UTRN: variants seen among roughly 807,000 people sequenced by gnomAD.
UTRN encodes the protein utrophin.
In UTRN, 283 loss-of-function variants were observed where a neutral mutation model predicts 463.9. The observed-to-expected ratio is 0.61, with a 90% CI of 0.55 to 0.67. UTRN has a LOEUF of 0.67. Among genes scored for constraint, UTRN ranks in the 30% least tolerant of loss-of-function variants. The pLI, the probability that UTRN is intolerant of heterozygous loss-of-function variation, is 0.00. For missense variants in UTRN, 3,922 were observed against 4,084.3 expected (o/e 0.96, Z 1.08); for synonymous variants, 1,442 against 1,431.5 (o/e 1.01, Z -0.17).
At position 144,824,208 on chromosome 6, in the gene UTRN, G is replaced by C. The variant is rs539172351; in HGVS notation, c.9495-3140G>C. The stretch of plus-strand genomic sequence containing the variant: ...AGGGCCTTCTAAGCCATGCCAAAGT[G>C]TTTGGAGTTTATTCTGAGAGCAGTG... On this transcript the variant is annotated intron_variant, in intron 66 of 74. Coordinates refer to ENST00000367545, the MANE Select transcript of UTRN (RefSeq NM_007124.3). 5.3e-5 allele frequency among the ~76,000 whole-genome samples: 8 copies of C among 152,080 alleles called. No individual in the cohort carries two copies. In the South Asian group the frequency reaches 1.5e-3, roughly 28 times the overall value.
intron 2 of UTRN, among the ~76,000 whole-genome samples, chr6:144,314,512 G>T (rs1387134197): frequency 6.6e-6 from 1 of 152,176 alleles, no homozygotes; most frequent in Admixed American, 6.5e-5. Flanking sequence ...CTCCTTCATG[G>T]TAAAACTCCC....
intron 35 of UTRN, among the ~76,000 whole-genome samples, 189 bp downstream of exon 35, chr6:144,511,312 C>T (rs1562506117): frequency 6.6e-6 from 1 of 152,108 alleles, no homozygotes; most frequent in South Asian, 2.1e-4. Flanking sequence ...AAAGAATTTA[C>T]AGTGTTTCTA....
intron 2 of UTRN, among the ~76,000 whole-genome samples, chr6:144,368,898 A>G (rs929547148): frequency 1.8e-4 from 28 of 152,190 alleles, no homozygotes; most frequent in African/African-American, 5.3e-4. Flanking sequence ...GTGACTTACA[A>G]GGTGTCTTTT....
At chr6:144,657,808 G>A (rs1276190555) in intron 51 of UTRN, among the ~76,000 whole-genome samples, 1 of 152,218 alleles carries the variant, frequency 6.6e-6, no homozygotes, top group East Asian at 1.9e-4. Context: ...CAGCCATCCA[G>A]CACCCTGGGT....
intron 39 of UTRN, among the ~76,000 whole-genome samples, chr6:144,519,796 T>A (rs928396729): frequency 6.6e-5 from 10 of 152,232 alleles, no homozygotes; most frequent in Admixed American, 5.9e-4. Context: ...CTTGGATCTT[T>A]ATGATACCTA....
At chr6:144,710,759 A>G (rs1785596833) in intron 53 of UTRN, among the ~76,000 whole-genome samples, 1 of 152,210 alleles carries the variant, frequency 6.6e-6, no homozygotes, top group Non-Finnish European at 1.5e-5. Context: ...TTAAAACTAT[A>G]TAGGCTACAT....
chr6:144,421,876 A>G lies in UTRN; in HGVS notation c.142-2A>G. On this transcript the variant is annotated splice_acceptor_variant, in intron 3 of 74. Transcript: ENST00000367545. LOFTEE classifies it high-confidence loss of function. ...TATTTTATTTGTGTTTTTCTTTTAC[A>G]GAGTGGGAAACCACCCATCAATGAT... The G allele has an allele frequency of 1.2e-6, 2 of 1,609,258 alleles. No homozygotes were observed. The highest frequency in any genetic ancestry group is 1.3e-5 in the African/African-American group (1 of 74,788).
In UTRN at chr6:144,537,056, A is replaced by G. The variant is rs78915865; in HGVS notation, c.6234-526A>G. The stretch of plus-strand genomic sequence containing the variant: ...ATTCACATGTTTCTTGTCTTCCCTA[A>G]TACTTGTAAGATTCTCCCATTCTTG... On this transcript the variant is annotated intron_variant, in intron 43 of 74. Transcript: ENST00000367545. 6.4e-3 allele frequency among the ~76,000 whole-genome samples: 969 copies of G among 152,150 alleles called. 13 individuals carry two copies. The highest frequency in any genetic ancestry group is 0.021 in the African/African-American group (891 of 41,556).
At chr6:144,711,445 G>A (rs1785698214) in intron 53 of UTRN, among the ~76,000 whole-genome samples, 2 of 152,152 alleles carry the variant, frequency 1.3e-5, no homozygotes, top group Admixed American at 1.3e-4. Context: ...TTTTGAAGAA[G>A]CTGAGGTCAC....
At chr6:144,405,174 G>A (rs1783276476) in intron 3 of UTRN, among the ~76,000 whole-genome samples, 1 of 152,122 alleles carries the variant, frequency 6.6e-6, no homozygotes. Flanking sequence ...ACCAAACGTG[G>A]GATGACTCTG....
At chr6:144,772,935 GC>G (rs1395760259) in intron 59 of UTRN, among the ~76,000 whole-genome samples, 1 of 151,244 alleles carries the variant, frequency 6.6e-6, no homozygotes, top group Non-Finnish European at 1.5e-5. Context: ...TAAAAAGGAT[GC>G]CCCCTTTTTT....
intron 58 of UTRN, among the ~76,000 whole-genome samples, chr6:144,759,585 G>A (rs1381291613): frequency 6.6e-6 from 1 of 152,112 alleles, no homozygotes; most frequent in East Asian, 1.9e-4. Context: ...AATTAAGGTT[G>A]CAAATCAACT....
rs749427790 is a variant in UTRN at position 144,423,571 on chromosome 6, G to C, written c.257G>C (p.Arg86Thr). The change falls in exon 5 of 75, where the codon AGG becomes ACG. Residue 86 changes from arginine to threonine, a missense_variant. Arg to Thr is a moderately conservative substitution (Grantham distance 71, BLOSUM62 -1). This residue lies in a region of UTRN where 264 missense variants were observed against 327.9 expected (regional missense o/e 0.81). Coordinates refer to ENST00000367545, the MANE Select transcript of UTRN (RefSeq NM_007124.3). ...TSLPKERGST[R>T]VHALNNVNRV... The stretch of plus-strand genomic sequence containing the variant: ...CAGCCAAAGGAACGTGGTTCCACAA[G>C]GGTACATGCCTTAAATAACGTCAAC... 5 of 1,614,082 alleles carry C rather than the reference G, an allele frequency of 3.1e-6. No homozygotes were observed. Among genetic ancestry groups the C allele is most frequent in the Non-Finnish European group, 4.2e-6 (5 of 1,180,044 alleles).
intron 2 of UTRN, among the ~76,000 whole-genome samples, chr6:144,389,839 T>C (rs552114738): frequency 6.6e-6 from 1 of 152,316 alleles, no homozygotes; most frequent in East Asian, 1.9e-4. Flanking sequence ...CCTCAGATGA[T>C]CCGCCCATCC....
chr6:144,595,979 A>G (rs1803603603), intron 51 of UTRN, among the ~76,000 whole-genome samples: 1 of 152,160 alleles, frequency 6.6e-6, no homozygotes, highest in Admixed American at 6.5e-5. Context: ...GTGGTAAAGA[A>G]AGGGGAACAT....
At chr6:144,665,779 A>G (rs1451241783) in intron 51 of UTRN, among the ~76,000 whole-genome samples, 1 of 152,120 alleles carries the variant, frequency 6.6e-6, no homozygotes, top group Non-Finnish European at 1.5e-5. Context: ...ATTTAGAGAA[A>G]AGTGTGTAGT....
chr6:144,334,023 G>C (rs1776529522), intron 2 of UTRN, among the ~76,000 whole-genome samples: 1 of 152,212 alleles, frequency 6.6e-6, no homozygotes, highest in African/African-American at 2.4e-5. Flanking sequence ...TTTTAAGAGA[G>C]GACTCCTAAA....
chr6:144,327,638 G>C (rs1776054932), intron 2 of UTRN, among the ~76,000 whole-genome samples: 1 of 152,102 alleles, frequency 6.6e-6, no homozygotes, highest in Admixed American at 6.5e-5. Context: ...TATTCACAGA[G>C]TTGTTACAGA....
chr6:144,399,631 G>A (rs1454933062), intron 2 of UTRN, among the ~76,000 whole-genome samples: 3 of 152,136 alleles, frequency 2.0e-5, no homozygotes, highest in Non-Finnish European at 2.9e-5. Context: ...GCTTCAAATG[G>A]TGTACTAGAG....
Sources: allele counts gnomAD v4.1 joint callset (sites outside exome capture counted in the v4.1 genomes callset), GRCh38; gene constraint gnomAD v4.1.1; regional missense constraint gnomAD v4.1.1; transcripts MANE v1.5; gene names NCBI Gene and HGNC (gene_info 2026-07-23, HGNC 2026-07-21).